BRF1: variants seen among roughly 807,000 people sequenced by gnomAD.
BRF1 encodes the protein BRF1 general transcription factor IIIB subunit.
In BRF1, 59 loss-of-function variants were observed where a neutral mutation model predicts 81.7. The observed-to-expected ratio is 0.72, with a 90% CI of 0.59 to 0.90. BRF1 has a LOEUF of 0.90. Ranked by LOEUF, BRF1 falls within the 40% of genes least tolerant of loss-of-function variation. The pLI is 0.00. For synonymous variants in BRF1, 491 were observed against 395.6 expected, an observed-to-expected ratio of 1.24 and a Z score of -2.86; for missense variants, 1,050 against 936.3, an observed-to-expected ratio of 1.12 and a Z score of -1.58.
Position 105,315,023 on chromosome 14 carries a change from C to A in BRF1, c.-162+299G>T. 1 of 1,223,416 alleles carries A rather than the reference C, an allele frequency of 8.2e-7. No individual in the cohort carries two copies. The highest frequency in any genetic ancestry group is 3.1e-5 in the Admixed American group (1 of 31,756). The allele number at this position is 1,223,416 out of a possible 1,614,324, so 75.8% of individuals were successfully genotyped here. A position where few individuals can be genotyped will look rare whatever the true frequency, so the allele number is the denominator to read the frequency against. On this transcript the variant is annotated intron_variant, in intron 1 of 17. Coordinates refer to the BRF1 transcript ENST00000327359. The surrounding 1 kb of genome is among the most constrained non-coding windows in gnomAD (Gnocchi z 4.4). Reference sequence around the variant, plus strand: ...CCTGGGAGGTGGACGGCTCCAGCCCCAGCTGCGTGCCCAGGTACGCGCCGC... The same window carrying A: ...CCTGGGAGGTGGACGGCTCCAGCCCAAGCTGCGTGCCCAGGTACGCGCCGC...
chr14:105,226,327 G>A (rs750863928), intron 8 of BRF1, 37 bp from the exon 9 acceptor site: 2 of 1,613,736 alleles, frequency 1.2e-6, no homozygotes, highest in Non-Finnish European at 1.7e-6. Flanking sequence ...CGTGAAGGGA[G>A]GCCCTGGTGC....
intron 8 of BRF1, 79 bp downstream of exon 8, chr14:105,226,555 C>A: frequency 6.3e-7 from 1 of 1,596,728 alleles, no homozygotes; most frequent in Non-Finnish European, 8.5e-7. Context: ...ACCAGCTCTG[C>A]TACAACCCCA....
intron 1 of BRF1, among the ~76,000 whole-genome samples, chr14:105,293,709 TTC>T (rs1236880695): frequency 1.3e-5 from 2 of 152,144 alleles, no homozygotes; most frequent in Non-Finnish European, 2.9e-5. Flanking sequence ...TCACCCACCC[TTC>T]TCTCTGCACA....
intron 1 of BRF1, chr14:105,314,523 C>G (rs1338561224): frequency 6.8e-6 from 1 of 147,500 alleles, no homozygotes; most frequent in Non-Finnish European, 1.5e-5. Context: ...CTCTCGCGCA[C>G]CGGCGGGCGG....
At chr14:105,216,075 T>C (rs994586881) in intron 15 of BRF1, among the ~76,000 whole-genome samples, 3 of 149,602 alleles carry the variant, frequency 2.0e-5, no homozygotes, top group Non-Finnish European at 4.4e-5. Context: ...CACACACACA[T>C]GCACACAAAT....
chr14:105,215,851 GGCACACACACACAT>G (rs1202103746), intron 15 of BRF1, among the ~76,000 whole-genome samples: 2 of 118,866 alleles, frequency 1.7e-5, no homozygotes, highest in South Asian at 2.7e-4. Context: ...CACAGACACA[GGCACACACACACAT>G]GCACACACAC....
chr14:105,248,980 C>T (rs1190040178), intron 5 of BRF1: 2 of 986,392 alleles, frequency 2.0e-6, no homozygotes, highest in East Asian at 1.1e-4. Context: ...CCGCCCAGCG[C>T]CCCCGCGCCA....
Position 105,219,036 on chromosome 14 carries a change from C to G in BRF1, c.1477G>C (p.Ala493Pro), listed in dbSNP as rs768847257. 6.2e-7 allele frequency: 1 copy of G among 1,613,860 alleles called. No individual in the cohort carries two copies. Among genetic ancestry groups the G allele is most frequent in the Non-Finnish European group, 8.5e-7 (1 of 1,180,018 alleles). Residue 493 changes from alanine to proline, a missense_variant, in exon 14 of 18, where the codon GCG (alanine) becomes CCG (proline). This residue lies in a region of BRF1 where 1,043 missense variants were observed against 915.4 expected (regional missense o/e 1.14). Transcript: ENST00000547530. ...TAGATGCCGAGCTCCTTCTCTTTCG[C>G]TATTCTTGCTTCTTTTTCTAAAAGT... is the stretch of plus-strand genomic sequence containing the variant. ...REQREKEARI[A>P]KEKELGIYKE... is the part of the protein sequence containing the mutation.
At chr14:105,251,233 G>A (rs143794595) in intron 5 of BRF1, 119 of 156,384 alleles carry the variant, frequency 7.6e-4, no homozygotes, top group South Asian at 5.8e-3. Context: ...CTGCGCCCCA[G>A]TGAAGCCCAT....
chr14:105,219,113 G>A, intron 13 of BRF1, 38 bp downstream of exon 13: 1 of 1,613,802 alleles, frequency 6.2e-7, no homozygotes, highest in East Asian at 2.2e-5. Context: ...CCTGGGGACT[G>A]TGCGTCCTGC....
chr14:105,250,944 C>G, intron 5 of BRF1: 1 of 451,586 alleles, frequency 2.2e-6, no homozygotes, highest in Non-Finnish European at 4.1e-6. Context: ...GGCACCCATG[C>G]CACCTGCTTT....
intron 12 of BRF1, chr14:105,219,606 A>G (rs1891918745): frequency 4.7e-6 from 2 of 426,982 alleles, no homozygotes; most frequent in Admixed American, 7.8e-5. Context: ...CTGAGGCACC[A>G]CGTGGCCATG....
At chr14:105,219,435 AACCACG>A (rs2141456972) in intron 12 of BRF1, 1 of 1,164,832 alleles carries the variant, frequency 8.6e-7, no homozygotes, top group East Asian at 2.6e-5. Context: ...TCCCAAGGCC[AACCACG>A]CAGGCCACAT....
chr14:105,304,232 C>G (rs2058113225), upstream of BRF1, among the ~76,000 whole-genome samples: 1 of 152,172 alleles, frequency 6.6e-6, no homozygotes, highest in African/African-American at 2.4e-5. Context: ...TGGCTCAGGA[C>G]TGTAATCCCA....
Position 105,266,005 on chromosome 14 carries a change from AGGT to A in BRF1, c.439+6713_439+6715del, listed in dbSNP as rs1402859124. Among the ~76,000 whole-genome samples, 131 of 152,112 alleles carry A rather than the reference AGGT, an allele frequency of 8.6e-4. 2 individuals carry two copies. In the Middle Eastern group the frequency reaches 0.017, roughly 20 times the overall value. ...AGAATCACTTGAACCCAGAGGGCAG[AGGT>A]TGCAGTGAGCCGAGATGGCACCACT... is the stretch of plus-strand genomic sequence containing the variant. On this transcript the variant is annotated intron_variant, in intron 3 of 17. Coordinates refer to ENST00000547530, the MANE Select transcript of BRF1 (RefSeq NM_001519.4).
At position 105,241,408 on chromosome 14, in the gene BRF1, C is replaced by A. The variant is rs1463895752; in HGVS notation, c.551G>T (p.Cys184Phe). The A allele has an allele frequency of 1.9e-6, 3 of 1,611,696 alleles. No individual in the cohort carries two copies. The highest frequency in any genetic ancestry group is 2.5e-6 in the Non-Finnish European group (3 of 1,179,900). ...GTGCGCAAAGCGTGGAATATACAGG[C>A]ACGGGTCTGCGGCAGACACAGCACC... Reference protein sequence around the residue: ...LCINAPAIDPCLYIPRFAHLL... With the variant: ...LCINAPAIDPFLYIPRFAHLL... Residue 184 changes from cysteine to phenylalanine, a missense_variant, in exon 6 of 18, where the codon TGC becomes TTC. Physicochemically the swap from Cys to Phe is radical, Grantham distance 205 (BLOSUM62 -2). Coordinates refer to ENST00000547530, the MANE Select transcript of BRF1 (RefSeq NM_001519.4).
rs184770098 is a variant in BRF1, at chr14:105,214,451, G to A, written c.1773-2287C>T. Reference sequence around the variant, plus strand: ...ACACCCATGCATGGCCCACCCCTGCGTGGCTCAGCTGCCCACACCCCTGCG... The same window carrying A: ...ACACCCATGCATGGCCCACCCCTGCATGGCTCAGCTGCCCACACCCCTGCG... On this transcript the variant is annotated intron_variant, in intron 15 of 17. Coordinates refer to ENST00000547530, the MANE Select transcript of BRF1 (RefSeq NM_001519.4). 8.6e-5 allele frequency among the ~76,000 whole-genome samples: 10 copies of A among 116,552 alleles called. 1 individual carries two copies. Among genetic ancestry groups the A allele is most frequent in the East Asian group, 2.0e-4 (1 of 4,936 alleles). The allele number at this position is 116,552 out of a possible 152,430, so 76.5% of individuals were successfully genotyped here.
chr14:105,273,425 G>A (rs2056745701), intron 2 of BRF1, among the ~76,000 whole-genome samples: 2 of 152,224 alleles, frequency 1.3e-5, no homozygotes, highest in Non-Finnish European at 2.9e-5. Flanking sequence ...GAAAAAGCCA[G>A]GCTAGCGCCA....
chr14:105,212,394 ACAGAAGCTG>A, intron 15 of BRF1: 1 of 536,144 alleles, frequency 1.9e-6, no homozygotes, highest in South Asian at 2.4e-5. Context: ...CGACACAAAC[ACAGAAGCTG>A]CAGACGCCCC....
Sources: allele counts gnomAD v4.1 joint callset (sites outside exome capture counted in the v4.1 genomes callset), GRCh38; gene constraint gnomAD v4.1.1; regional missense constraint gnomAD v4.1.1; non-coding constraint Gnocchi (gnomAD v3.1); transcripts MANE v1.5; gene names NCBI Gene and HGNC (gene_info 2026-07-23, HGNC 2026-07-21).